Variants in ADK observed in about 807,000 individuals in gnomAD.
ADK encodes the protein adenosine kinase.
A neutral mutation model predicts 44.7 loss-of-function variants in ADK; 24 were observed. That is an observed-to-expected ratio of 0.54 (90% confidence interval 0.39 to 0.76). The LOEUF is 0.76. Ranked by LOEUF, ADK falls within the 30% of genes least tolerant of loss-of-function variation. The probability of loss-of-function intolerance (pLI) is 0.00; values close to 1 mark genes in which losing one functional copy is unlikely to be tolerated. For synonymous variants in ADK, 128 were observed against 142.6 expected, an observed-to-expected ratio of 0.90 and a Z score of 0.73; for missense variants, 321 against 425.1, an observed-to-expected ratio of 0.76 and a Z score of 2.15.
intron 10 of ADK, among the ~76,000 whole-genome samples, chr10:74,682,533 A>G (rs1228720472): frequency 6.6e-6 from 1 of 151,082 alleles, no homozygotes; most frequent in Admixed American, 6.6e-5. Context: ...AATTAACACC[A>G]TCTGACACCA....
At chr10:74,385,519 G>T (rs1592135180) in intron 4 of ADK, among the ~76,000 whole-genome samples, 1 of 152,278 alleles carries the variant, frequency 6.6e-6, no homozygotes, top group Non-Finnish European at 1.5e-5. Context: ...CTACAAAAGA[G>T]ATAGAGAAGA....
intron 3 of ADK, among the ~76,000 whole-genome samples, chr10:74,298,577 A>G (rs1270566527): frequency 6.6e-6 from 1 of 151,984 alleles, no homozygotes; most frequent in African/African-American, 2.4e-5. Flanking sequence ...ACATAGTGAG[A>G]CCCTATCTTT....
intron 7 of ADK, among the ~76,000 whole-genome samples, chr10:74,548,089 G>A (rs1849903231): frequency 6.6e-6 from 1 of 152,172 alleles, no homozygotes; most frequent in Non-Finnish European, 1.5e-5. Context: ...ACCACACCTG[G>A]CCACTTAATA....
intron 7 of ADK, among the ~76,000 whole-genome samples, chr10:74,572,670 A>G (rs1274346928): frequency 6.6e-6 from 1 of 152,114 alleles, no homozygotes; most frequent in African/African-American, 2.4e-5. Context: ...CTTTTCACTT[A>G]GTCCCATATT....
At chr10:74,457,639 G>A (rs1323608923) in intron 6 of ADK, among the ~76,000 whole-genome samples, 3 of 152,256 alleles carry the variant, frequency 2.0e-5, no homozygotes, top group Middle Eastern at 3.4e-3. Context: ...AGTGATAGAC[G>A]GGATAAAGAA....
chr10:74,409,048 A>G (rs976985405), intron 6 of ADK, among the ~76,000 whole-genome samples: 1 of 152,210 alleles, frequency 6.6e-6, no homozygotes, highest in Non-Finnish European at 1.5e-5. Flanking sequence ...ATACCATTTT[A>G]TCGCTTAAAA....
rs1246368123 is a variant in ADK, at chr10:74,176,994, C to T, written c.66-23770C>T. The T allele has an allele frequency of 6.8e-6, 10 of 1,471,586 alleles. No individual in the cohort carries two copies. The East Asian group carries it at 2.3e-4, about 35-fold the overall frequency. 91.2% of individuals were successfully genotyped at this position (1,471,586 alleles called of 1,614,324 possible). On this transcript the variant is annotated intron_variant, in intron 1 of 10. Coordinates refer to ENST00000539909, the MANE Select transcript of ADK (RefSeq NM_006721.4). ...GGTGGTCTGGAGCCTGCCTCCGCCT[C>T]TGGTCCCCCTCGTGTTGGGGGTTCC... is the stretch of plus-strand genomic sequence containing the variant.
In ADK at chr10:74,532,051, A is replaced by G. The variant is rs1483286547; in HGVS notation, c.726+6625A>G. ...TAATTTTAGCACATCAAACCGAACAATATATTAAAAGAGTAATTCATCATG... is the reference window on the plus strand; with the variant it reads ...TAATTTTAGCACATCAAACCGAACAGTATATTAAAAGAGTAATTCATCATG... On this transcript the variant is annotated intron_variant, in intron 7 of 10. Coordinates refer to ENST00000539909, the MANE Select transcript of ADK (RefSeq NM_006721.4). 5.9e-5 allele frequency among the ~76,000 whole-genome samples: 9 copies of G among 152,214 alleles called. 1 individual carries two copies. Among genetic ancestry groups the G allele is most frequent in the Non-Finnish European group, 1.3e-4 (9 of 68,032 alleles).
chr10:74,479,731 C>G (rs1846997132), intron 6 of ADK, among the ~76,000 whole-genome samples: 1 of 151,872 alleles, frequency 6.6e-6, no homozygotes, highest in Non-Finnish European at 1.5e-5. Flanking sequence ...TGGCCTTAAT[C>G]CCCATTTTTC....
chr10:74,459,037 T>C (rs561901751), intron 6 of ADK, among the ~76,000 whole-genome samples: 155 of 152,190 alleles, frequency 1.0e-3, no homozygotes, highest in African/African-American at 3.7e-3. Context: ...CCCAGCACTT[T>C]GGAGGCTGAG....
chr10:74,276,440 G>A (rs2132428514), intron 3 of ADK, among the ~76,000 whole-genome samples: 1 of 152,306 alleles, frequency 6.6e-6, no homozygotes, highest in African/African-American at 2.4e-5. Flanking sequence ...AAGGAGAAGG[G>A]TGTATTAATT....
chr10:74,612,671 C>G (rs1429964210), intron 9 of ADK, among the ~76,000 whole-genome samples: 1 of 151,984 alleles, frequency 6.6e-6, no homozygotes, highest in Non-Finnish European at 1.5e-5. Flanking sequence ...GTTGCATTTG[C>G]TTTTGAGGTC....
intron 2 of ADK, among the ~76,000 whole-genome samples, chr10:74,220,908 G>A (rs1409673528): frequency 4.0e-5 from 6 of 151,884 alleles, no homozygotes; most frequent in Non-Finnish European, 7.4e-5. Context: ...CCCATAGCCA[G>A]TATCATACTG....
chr10:74,288,923 A>C (rs1294226369), intron 3 of ADK, among the ~76,000 whole-genome samples: 2 of 152,154 alleles, frequency 1.3e-5, no homozygotes, highest in Non-Finnish European at 2.9e-5. Flanking sequence ...GAGTATATGA[A>C]AAGTAAGTAA....
intron 9 of ADK, among the ~76,000 whole-genome samples, chr10:74,667,821 C>A (rs1314046936): frequency 6.6e-6 from 1 of 152,050 alleles, no homozygotes; most frequent in East Asian, 1.9e-4. Flanking sequence ...ATGTGAGCCA[C>A]CATGCCTGAC....
intron 1 of ADK, chr10:74,176,626 C>A: frequency 7.2e-7 from 1 of 1,398,500 alleles, no homozygotes; most frequent in Non-Finnish European, 9.3e-7. Flanking sequence ...TGGCACGAGA[C>A]ACGCGGTGGC....
intron 8 of ADK, among the ~76,000 whole-genome samples, chr10:74,592,521 A>G (rs1216558673): frequency 6.6e-6 from 1 of 152,172 alleles, no homozygotes; most frequent in African/African-American, 2.4e-5. Context: ...TGATGAAGAG[A>G]ATTCATACCT....
At chr10:74,604,133 G>T (rs989264936) in intron 9 of ADK, among the ~76,000 whole-genome samples, 1 of 152,088 alleles carries the variant, frequency 6.6e-6, no homozygotes, top group Non-Finnish European at 1.5e-5. Flanking sequence ...TAAGTTCTTT[G>T]TAGATTCTGG....
rs369100869 is a variant in ADK at position 74,665,722 on chromosome 10, G to A, written c.878-4461G>A. Among the ~76,000 whole-genome samples the A allele has an allele frequency of 8.2e-4, 123 of 149,292 alleles. 3 individuals carry two copies. In the South Asian group the frequency reaches 0.026, roughly 31 times the overall value. ...TGCACTCCAGCCTGGGAGGCAGAGTGAGACCTTAGCTCTTGAGAGAGAGAG... is the reference window on the plus strand; with the variant it reads ...TGCACTCCAGCCTGGGAGGCAGAGTAAGACCTTAGCTCTTGAGAGAGAGAG... On this transcript the variant is annotated intron_variant, in intron 9 of 10. Transcript: ENST00000539909.
Sources: gnomAD v4.1 joint callset for allele counts (sites outside exome capture counted in the v4.1 genomes callset) on GRCh38, gnomAD v4.1.1 for gene constraint, MANE v1.5 for transcripts, NCBI Gene and HGNC (gene_info 2026-07-23, HGNC 2026-07-21) for gene names.